Variants in OTOA observed in about 807,000 individuals in gnomAD.
OTOA encodes the protein otoancorin, also known as cancer/testis antigen 108.
In OTOA, 70 loss-of-function variants were observed where a neutral mutation model predicts 110.8. The ratio of observed to expected loss-of-function variants is 0.63; its 90% CI spans 0.52 to 0.77. The LOEUF (loss-of-function observed/expected upper bound fraction) is 0.77, where lower values mean the gene tolerates loss of function less well. Ranked by LOEUF, OTOA falls within the 30% of genes least tolerant of loss-of-function variation. The pLI, the probability that OTOA is intolerant of heterozygous loss-of-function variation, is 0.00. For synonymous variants in OTOA, 373 were observed against 431.5 expected (o/e 0.86, Z 1.68); for missense variants, 917 against 1,075.8 (o/e 0.85, Z 2.06).
At chr16:21,728,624 C>T (rs1321864680) in intron 20 of OTOA, among the ~76,000 whole-genome samples, 193 bp downstream of exon 20, 1 of 151,046 alleles carries the variant, frequency 6.6e-6, no homozygotes, top group Admixed American at 6.6e-5. Flanking sequence ...GAGTCTCGCT[C>T]TGTGGCCAGG....
chr16:21,705,975 A>G (rs917904955), intron 12 of OTOA, among the ~76,000 whole-genome samples: 1 of 151,914 alleles, frequency 6.6e-6, no homozygotes, highest in African/African-American at 2.4e-5. Context: ...CTATAGTGCC[A>G]GCTACTTGGG....
Position 21,681,828 on chromosome 16 carries a change from G to C in OTOA, c.267+3G>C, listed in dbSNP as rs1966897787. The C allele has an allele frequency of 6.2e-7, 1 of 1,611,752 alleles. No homozygotes were observed. Among genetic ancestry groups the C allele is most frequent in the African/African-American group, 1.3e-5 (1 of 74,982 alleles). On this transcript the variant is annotated splice_donor_region_variant and intron_variant, in intron 6 of 28. Transcript: ENST00000646100. ...CCTTCACCATCCCCAGCCTGCAGGT[G>C]TGTACCTGAGACCCATCTATATGTT... is the stretch of plus-strand genomic sequence containing the variant.
chr16:21,670,403 G>A (rs534855464), intron 1 of OTOA, among the ~76,000 whole-genome samples: 22 of 151,986 alleles, frequency 1.4e-4, no homozygotes, highest in African/African-American at 3.6e-4. Context: ...AGATATTCCC[G>A]TGGTTCATTC....
chr16:21,760,650 G>C lies in OTOA; in HGVS notation c.*110G>C, dbSNP rs550694703. The stretch of plus-strand genomic sequence containing the variant: ...TTCCCTGGATCCAGACCCTCATCTA[G>C]GGCAGGGAAACCCTGGGGCCTTGAT... On this transcript the variant is annotated 3_prime_UTR_variant, in exon 29 of 29. Coordinates refer to ENST00000646100, the MANE Select transcript of OTOA (RefSeq NM_144672.4). 2.0e-6 allele frequency: 2 copies of C among 977,276 alleles called. No homozygotes were observed. Among genetic ancestry groups the C allele is most frequent in the East Asian group, 2.8e-5 (1 of 35,444 alleles). 60.5% of individuals were successfully genotyped at this position (977,276 alleles called of 1,614,324 possible).
chr16:21,681,942 G>A, intron 6 of OTOA, 117 bp downstream of exon 6: 2 of 935,552 alleles, frequency 2.1e-6, no homozygotes, highest in Non-Finnish European at 3.4e-6. Flanking sequence ...GCTTCTGCAA[G>A]GAAAAGGGTT....
At position 21,728,322 on chromosome 16, in the gene OTOA, G is replaced by A. The variant is rs749710616; in HGVS notation, c.2098G>A (p.Gly700Arg). ...CTTGCCGGCAGCCATCATCGACAGG[G>A]GGATCTCCCCCAGGGCTTGGGCGAC... ...CHLPAAIIDR[G>R]ISPRAWATAL... Residue 700 changes from glycine to arginine, a missense_variant, in exon 20 of 29, where the codon GGG becomes AGG. This residue lies in a region of OTOA where 840 missense variants were observed against 910.2 expected (regional missense o/e 0.92). Transcript: ENST00000646100. 1.2e-6 allele frequency: 2 copies of A among 1,614,118 alleles called. No homozygotes were observed. The highest frequency in any genetic ancestry group is 1.7e-6 in the Non-Finnish European group (2 of 1,180,020).
chr16:21,686,310 A>G (rs530819273), intron 7 of OTOA, among the ~76,000 whole-genome samples: 30 of 149,668 alleles, frequency 2.0e-4, no homozygotes, highest in African/African-American at 6.9e-4. Flanking sequence ...TTTCTTAGAG[A>G]CAGGGGCTTG....
intron 12 of OTOA, among the ~76,000 whole-genome samples, chr16:21,707,592 C>T (rs1054636540): frequency 9.3e-6 from 1 of 107,282 alleles, no homozygotes; most frequent in Non-Finnish European, 2.0e-5. Context: ...CTTCTCCTTC[C>T]TTTTCTTTCT....
rs749514289 is a variant in OTOA at position 21,679,220 on chromosome 16, C to G, written c.179+9C>G. On this transcript the variant is annotated intron_variant, in intron 5 of 28. Coordinates refer to ENST00000646100, the MANE Select transcript of OTOA (RefSeq NM_144672.4). Reference sequence around the variant, plus strand: ...CTCATACAGTTTCAAAGGTAAAATGCCCTAGAGGAGAGGGGAAGGGATGGT... The same window carrying G: ...CTCATACAGTTTCAAAGGTAAAATGGCCTAGAGGAGAGGGGAAGGGATGGT... 1.2e-6 allele frequency: 2 copies of G among 1,612,610 alleles called. No homozygotes were observed. The highest frequency in any genetic ancestry group is 3.3e-5 in the Admixed American group (2 of 60,000).
chr16:21,749,987 G>C (rs1899777094), intron 24 of OTOA, among the ~76,000 whole-genome samples: 1 of 149,734 alleles, frequency 6.7e-6, no homozygotes, highest in African/African-American at 2.4e-5. Flanking sequence ...GCCCAGCCCA[G>C]ACTTTATTTT....
chr16:21,664,661 A>G (rs1225459096), intron 1 of OTOA, among the ~76,000 whole-genome samples: 1 of 152,048 alleles, frequency 6.6e-6, no homozygotes, highest in Non-Finnish European at 1.5e-5. Flanking sequence ...CTACCTCATA[A>G]CAGTTGTGTG....
At chr16:21,698,020 A>G in intron 10 of OTOA, 145 bp downstream of exon 10, 1 of 706,242 alleles carries the variant, frequency 1.4e-6, no homozygotes, top group Non-Finnish European at 2.5e-6. Flanking sequence ...TGGGCCTCTG[A>G]AGAAAACTAT....
intron 10 of OTOA, 81 bp downstream of exon 10, chr16:21,697,956 C>T: frequency 2.4e-6 from 3 of 1,261,012 alleles, no homozygotes; most frequent in Non-Finnish European, 3.5e-6. Flanking sequence ...TAATGTTCAT[C>T]CAGCCAGTCA....
At chr16:21,724,838 G>A (rs1050691987) in intron 18 of OTOA, among the ~76,000 whole-genome samples, 1 of 152,072 alleles carries the variant, frequency 6.6e-6, no homozygotes, top group Non-Finnish European at 1.5e-5. Flanking sequence ...GTGCAGTGGT[G>A]TAATCTTGGC....
intron 7 of OTOA, among the ~76,000 whole-genome samples, chr16:21,686,702 G>C (rs1323276286): frequency 6.6e-6 from 1 of 152,062 alleles, no homozygotes; most frequent in African/African-American, 2.4e-5. Flanking sequence ...AGTAGTTTGA[G>C]ACCAGCCTGG....
intron 18 of OTOA, among the ~76,000 whole-genome samples, chr16:21,723,733 G>A (rs758819870): frequency 6.6e-6 from 1 of 152,144 alleles, no homozygotes; most frequent in Non-Finnish European, 1.5e-5. Flanking sequence ...TGCAAATGAT[G>A]TCATTTGTCT....
chr16:21,672,155 A>T (rs149477277), intron 1 of OTOA, among the ~76,000 whole-genome samples: 3 of 152,264 alleles, frequency 2.0e-5, no homozygotes, highest in East Asian at 1.9e-4. Context: ...CAGAAATGGA[A>T]TCATATGTTA....
At chr16:21,664,431 G>A (rs558957698) in intron 1 of OTOA, among the ~76,000 whole-genome samples, 199 bp downstream of exon 1, 2 of 152,060 alleles carry the variant, frequency 1.3e-5, no homozygotes, top group East Asian at 1.9e-4. Context: ...CACTTGGAGG[G>A]GGGGGACGAT....
intron 19 of OTOA, among the ~76,000 whole-genome samples, chr16:21,727,560 G>A (rs915433919): frequency 6.6e-6 from 1 of 152,150 alleles, no homozygotes; most frequent in African/African-American, 2.4e-5. Context: ...AACTATTTTT[G>A]TCATTTTGTG....
Sources: gnomAD v4.1 joint callset for allele counts (sites outside exome capture counted in the v4.1 genomes callset) on GRCh38, gnomAD v4.1.1 for gene constraint, gnomAD v4.1.1 regional missense constraint, MANE v1.5 for transcripts, NCBI Gene and HGNC (gene_info 2026-07-23, HGNC 2026-07-21) for gene names.